Variants in MYBPC3 observed in about 807,000 individuals in gnomAD.
MYBPC3 encodes myosin binding protein C3.
A neutral mutation model predicts 159.3 loss-of-function variants in MYBPC3; 108 were observed. The ratio of observed to expected loss-of-function variants is 0.68; its 90% CI spans 0.58 to 0.80. The LOEUF is 0.80. MYBPC3 is among the 30% of genes least tolerant of loss of function. The pLI is 0.00. For missense variants in MYBPC3, 1,631 were observed against 1,762.1 expected, an observed-to-expected ratio of 0.93 and a Z score of 1.33; for synonymous variants, 730 against 702.0, an observed-to-expected ratio of 1.04 and a Z score of -0.63.
rs368918487 is a variant in MYBPC3, at chr11:47,351,381, G to A, written c.150C>T (p.Ser50=). The change falls in exon 2 of 35, where the codon AGC becomes AGT. Residue 50 remains serine (S), a synonymous_variant. Transcript: ENST00000545968. The surrounding 1 kb of genome is among the most constrained non-coding windows in gnomAD (Gnocchi z 4.2). ...VRWQRGGSDI[S]ASNKYGLATE... The stretch of plus-strand genomic sequence containing the variant: ...TGGCCAGGCCGTACTTGTTGCTGGC[G>A]CTGATGTCACTGCCTCCGCGCTGCC... 3.0e-5 allele frequency: 48 copies of A among 1,608,758 alleles called. No homozygotes were observed. Among genetic ancestry groups the A allele is most frequent in the Admixed American group, 1.8e-4 (11 of 59,518 alleles).
intron 2 of MYBPC3, among the ~76,000 whole-genome samples, chr11:47,350,989 G>A (rs1397347404): frequency 5.3e-5 from 8 of 152,222 alleles, no homozygotes; most frequent in African/African-American, 1.9e-4. Flanking sequence ...GTCTGCAGGG[G>A]GAGAGTGGGG....
rs1198626772 is a variant in MYBPC3 at position 47,335,221 on chromosome 11, GA to G, written c.2738-13del. 1.3e-6 allele frequency: 2 copies of G among 1,575,252 alleles called. No individual in the cohort carries two copies. The highest frequency in any genetic ancestry group is 4.7e-5 in the East Asian group (2 of 42,250). On this transcript the variant is annotated splice_polypyrimidine_tract_variant and intron_variant, in intron 26 of 34. Transcript: ENST00000545968. ...CACCCACTCTGAGCCTGGGGGTGGG[GA>G]GGGGGAGGCAAGGCCACAGGCTGTG...
chr11:47,335,166 T>C lies in MYBPC3; in HGVS notation c.2781A>G (p.Thr927=). 3.7e-6 allele frequency: 6 copies of C among 1,612,204 alleles called. No homozygotes were observed. Among genetic ancestry groups the C allele is most frequent in the South Asian group, 3.3e-5 (3 of 90,804 alleles). ...VAALQGLTEH[T]SILVKDLPTG... ...TGGGCAGGTCCTTCACCAGTATCGA[T>C]GTGTGCTCTGTCAGCCCCTGCAGGG... Residue 927 remains threonine (T), a synonymous_variant, in exon 27 of 35, where the codon ACA becomes ACG. Coordinates refer to ENST00000545968, the MANE Select transcript of MYBPC3 (RefSeq NM_000256.3).
intron 12 of MYBPC3, 113 bp from the exon 13 acceptor site, chr11:47,343,737 C>A: frequency 9.6e-7 from 1 of 1,037,228 alleles, no homozygotes; most frequent in Non-Finnish European, 1.3e-6. Flanking sequence ...CCCCTCTGTG[C>A]CGCCCCGCTT....
At position 47,348,910 on chromosome 11, in the gene MYBPC3, A is replaced by ATATATATATATATATATT. The variant is rs1443541516; in HGVS notation, c.655-387_655-370dup. ...ACAGAGCGAGACCCTGTCTCAAATTATATATATATATATATATTTAAAGGA... is the reference window on the plus strand; with the variant it reads ...ACAGAGCGAGACCCTGTCTCAAATTATATATATATATATATATTTATATATATATATATATTTAAAGGA... On this transcript the variant is annotated intron_variant, in intron 5 of 34. Transcript: ENST00000545968. Among the ~76,000 whole-genome samples the ATATATATATATATATATT allele has an allele frequency of 1.8e-5, 2 of 112,162 alleles. 1 individual carries two copies. Among genetic ancestry groups the ATATATATATATATATATT allele is most frequent in the African/African-American group, 6.2e-5 (2 of 32,184 alleles). 73.6% of individuals were successfully genotyped at this position (112,162 alleles called of 152,430 possible).
At chr11:47,335,479 C>G (rs972270586) in intron 26 of MYBPC3, 3 of 320,598 alleles carry the variant, frequency 9.4e-6, no homozygotes, top group Non-Finnish European at 1.7e-5. Context: ...AGGTGCCCAC[C>G]ACCACACCCG....
chr11:47,339,204 G>T, intron 22 of MYBPC3, 120 bp downstream of exon 22: 3 of 1,061,592 alleles, frequency 2.8e-6, no homozygotes, highest in Non-Finnish European at 2.9e-6. Context: ...CCTGCTGGGG[G>T]CAGCAACACA....
rs747574608 is a variant in MYBPC3, at chr11:47,343,295, C to T, written c.1224-33G>A. The T allele has an allele frequency of 7.8e-6, 12 of 1,537,112 alleles. No homozygotes were observed. The highest frequency in any genetic ancestry group is 1.4e-5 in the African/African-American group (1 of 73,120). ...ACAGAAGGGGCCGTTGAAGTGTTCCCGACGGGAGGAAGTGAGCCCGAGACA... is the reference window on the plus strand; with the variant it reads ...ACAGAAGGGGCCGTTGAAGTGTTCCTGACGGGAGGAAGTGAGCCCGAGACA... On this transcript the variant is annotated intron_variant, in intron 13 of 34. Coordinates refer to ENST00000545968, the MANE Select transcript of MYBPC3 (RefSeq NM_000256.3).
chr11:47,336,683 C>T (rs1193870353), intron 25 of MYBPC3, among the ~76,000 whole-genome samples: 2 of 152,090 alleles, frequency 1.3e-5, no homozygotes, highest in Non-Finnish European at 2.9e-5. Flanking sequence ...ATCCCTGGGC[C>T]CAGGGGTCCT....
intron 6 of MYBPC3, 28 bp from the exon 7 acceptor site, chr11:47,347,933 G>T (rs1318691025): frequency 3.2e-6 from 5 of 1,565,172 alleles, no homozygotes; most frequent in Non-Finnish European, 3.5e-6. Context: ...AGAGATGGGG[G>T]AAGGGGCTTC....
intron 30 of MYBPC3, 106 bp from the exon 31 acceptor site, chr11:47,333,079 C>T: frequency 6.6e-7 from 1 of 1,520,216 alleles, no homozygotes; most frequent in Non-Finnish European, 8.9e-7. Flanking sequence ...TGGAGGGATT[C>T]AGATCAGCAG....
chr11:47,332,067 C>T lies in MYBPC3; in HGVS notation c.3814+5G>A. On this transcript the variant is annotated splice_donor_5th_base_variant and intron_variant, in intron 33 of 34. Coordinates refer to ENST00000545968, the MANE Select transcript of MYBPC3 (RefSeq NM_000256.3). This position sits in a 1 kb window ranked among gnomAD's most constrained non-coding sequence, Gnocchi z 4.2. ...TCCCAGGCCCTGGCCCCGAGGGCTC[C>T]TCACCTCGCACCTCCAGGCGGCACT... 1 of 1,607,284 alleles carries T rather than the reference C, an allele frequency of 6.2e-7. No individual in the cohort carries two copies. Among genetic ancestry groups the T allele is most frequent in the South Asian group, 1.1e-5 (1 of 90,814 alleles).
intron 23 of MYBPC3, 36 bp from the exon 24 acceptor site, chr11:47,337,830 C>A: frequency 6.6e-7 from 1 of 1,525,588 alleles, no homozygotes; most frequent in Non-Finnish European, 8.9e-7. Context: ...TCAGCCCTGC[C>A]CCGCTCAGGG....
At chr11:47,342,248 G>C (rs2095889458) in intron 17 of MYBPC3, 92 bp from the exon 18 acceptor site, 1 of 1,468,866 alleles carries the variant, frequency 6.8e-7, no homozygotes, top group African/African-American at 1.4e-5. Flanking sequence ...GGGCGCTGGT[G>C]CGCACGTGTC....
intron 25 of MYBPC3, chr11:47,336,254 G>T (rs1011027832): frequency 2.7e-5 from 8 of 296,972 alleles, no homozygotes; most frequent in South Asian, 2.6e-4. Flanking sequence ...TTGGGAGGCC[G>T]AGGTGGGAGG....
Position 47,332,029 on chromosome 11 carries a change from C to T in MYBPC3, c.3814+43G>A, listed in dbSNP as rs373318897. The T allele has an allele frequency of 7.5e-6, 12 of 1,601,150 alleles. No individual in the cohort carries two copies. Among genetic ancestry groups the T allele is most frequent in the Admixed American group, 3.4e-5 (2 of 59,164 alleles). Reference sequence around the variant, plus strand: ...AAAGCCCAGGGTCCCCACTGCCGCCCGCTCTTCCCATCTCCCAGGCCCTGG... The same window carrying T: ...AAAGCCCAGGGTCCCCACTGCCGCCTGCTCTTCCCATCTCCCAGGCCCTGG... On this transcript the variant is annotated intron_variant, in intron 33 of 34. Transcript: ENST00000545968. The surrounding 1 kb of genome is among the most constrained non-coding windows in gnomAD (Gnocchi z 4.2).
rs397515929 is a variant in MYBPC3, at chr11:47,341,223, G to A, written c.1812C>T (p.Asp604=). ...HIGRVHKLTI[D]DVTPADEADY... is the part of the protein sequence containing the mutation. ...CAGCCTCGTCGGCAGGTGTGACGTC[G>A]TCAATGGTCAGTTTGTGGACCCTGC... Residue 604 remains aspartate (D), a synonymous_variant, in exon 19 of 35, where the codon GAC becomes GAT. Transcript: ENST00000545968. The A allele has an allele frequency of 4.1e-4, 649 of 1,592,778 alleles. 11 individuals carry two copies. The South Asian group carries it at 6.7e-3, about 16-fold the overall frequency.
intron 20 of MYBPC3, among the ~76,000 whole-genome samples, chr11:47,340,268 CAG>C (rs1359549339): frequency 1.3e-5 from 2 of 150,360 alleles, no homozygotes; most frequent in African/African-American, 5.0e-5. Flanking sequence ...CATACACACA[CAG>C]ACACATGCAC....
At position 47,341,264 on chromosome 11, in the gene MYBPC3, CAG is replaced by C; in HGVS notation, c.1791-22_1791-21del. ...TGGACCCTGCAGGGGAGCAGTGGCT[CAG>C]GGGACCCCACTGGGCCACACACCCC... is the stretch of plus-strand genomic sequence containing the variant. On this transcript the variant is annotated intron_variant, in intron 18 of 34. Coordinates refer to ENST00000545968, the MANE Select transcript of MYBPC3 (RefSeq NM_000256.3). 1.9e-6 allele frequency: 3 copies of C among 1,551,368 alleles called. No homozygotes were observed. The highest frequency in any genetic ancestry group is 2.6e-6 in the Non-Finnish European group (3 of 1,144,694).
Sources: gnomAD v4.1 joint callset for allele counts (sites outside exome capture counted in the v4.1 genomes callset) on GRCh38, gnomAD v4.1.1 for gene constraint, Gnocchi (gnomAD v3.1) non-coding constraint, MANE v1.5 for transcripts, NCBI Gene and HGNC (gene_info 2026-07-23, HGNC 2026-07-21) for gene names.